The following MYO1A variants were observed in gnomAD, a reference collection of about 807,000 sequenced individuals.
MYO1A encodes unconventional myosin-Ia.
A neutral mutation model predicts 138.5 loss-of-function variants in MYO1A; 127 were observed. That is an observed-to-expected ratio of 0.92 (90% CI 0.79 to 1.06). The LOEUF (loss-of-function observed/expected upper bound fraction) is 1.06. Among genes scored for constraint, MYO1A ranks in the 50% least tolerant of loss-of-function variants. The pLI, the probability that MYO1A is intolerant of heterozygous loss-of-function variation, is 0.00. For synonymous variants in MYO1A, 477 were observed against 497.5 expected (o/e 0.96, Z 0.55); for missense variants, 1,211 against 1,288.8 (o/e 0.94, Z 0.92).
chr12:57,043,012 T>G, intron 12 of MYO1A, 60 bp downstream of exon 12: 1 of 1,553,060 alleles, frequency 6.4e-7, no homozygotes, highest in Non-Finnish European at 8.9e-7. Context: ...ATAGGGCTGG[T>G]GACAGGGCAG....
At chr12:57,029,031 C>A in intron 27 of MYO1A, 101 bp downstream of exon 27, 1 of 1,608,900 alleles carries the variant, frequency 6.2e-7, no homozygotes, top group Non-Finnish European at 8.5e-7. Context: ...AAGCCCCGGC[C>A]TGCACTGCCC....
intron 22 of MYO1A, among the ~76,000 whole-genome samples, chr12:57,035,539 G>A (rs142863251): frequency 1.1e-4 from 16 of 152,278 alleles, no homozygotes; most frequent in African/African-American, 1.4e-4. Context: ...CCCAATCAGC[G>A]GAGGTCAATT....
Position 57,041,301 on chromosome 12 carries a change from G to C in MYO1A, c.1165-13C>G. Reference sequence around the variant, plus strand: ...CAAAGCTATTATCCTGAGAGAGGGAGCACAGGTTAGAGAGCTCACTCCAAG... The same window carrying C: ...CAAAGCTATTATCCTGAGAGAGGGACCACAGGTTAGAGAGCTCACTCCAAG... On this transcript the variant is annotated splice_polypyrimidine_tract_variant and intron_variant, in intron 13 of 27. Coordinates refer to ENST00000300119, the MANE Select transcript of MYO1A (RefSeq NM_005379.4). 1 of 1,610,576 alleles carries C rather than the reference G, an allele frequency of 6.2e-7. No individual in the cohort carries two copies. Among genetic ancestry groups the C allele is most frequent in the Non-Finnish European group, 8.5e-7 (1 of 1,176,770 alleles).
rs201879161 is a variant in MYO1A at position 57,038,036 on chromosome 12, A to T, written c.1794T>A (p.Gly598=). Residue 598 remains glycine, a synonymous_variant, in exon 18 of 28, where the codon GGT becomes GGA. Coordinates refer to ENST00000300119, the MANE Select transcript of MYO1A (RefSeq NM_005379.4). The part of the protein sequence containing the change: ...CIKPNEHQQR[G]QFSSDLVATQ... ...TTGCCACCAGGTCTGAAGAGAACTG[A>T]CCTCGCTGCTGATGCTCATTGGGCT... is the stretch of plus-strand genomic sequence containing the variant. The T allele has an allele frequency of 6.6e-5, 106 of 1,614,102 alleles. No individual in the cohort carries two copies. In the East Asian group the frequency reaches 9.8e-4, roughly 15 times the overall value.
intron 5 of MYO1A, 66 bp from the exon 6 acceptor site, chr12:57,047,173 T>C: frequency 6.3e-7 from 1 of 1,599,280 alleles, no homozygotes; most frequent in Non-Finnish European, 8.6e-7. Flanking sequence ...CTTCCAGTCC[T>C]CATGACAATC....
At position 57,046,941 on chromosome 12, in the gene MYO1A, C is replaced by CAG. The variant is rs140243106; in HGVS notation, c.478-17_478-16dup. On this transcript the variant is annotated splice_polypyrimidine_tract_variant and intron_variant, in intron 6 of 27. Transcript: ENST00000300119. ...ATGTATTTTCCCTTCAGAGAGAGACCAGAGAGAGAGACTTAGCTTCTTCCT... is the reference window on the plus strand; with the variant it reads ...ATGTATTTTCCCTTCAGAGAGAGACCAGAGAGAGAGAGACTTAGCTTCTTCCT... The CAG allele has an allele frequency of 3.1e-6, 5 of 1,613,674 alleles. No homozygotes were observed. The South Asian group carries it at 5.5e-5, about 18-fold the overall frequency.
rs1389706325 is a variant in MYO1A, at chr12:57,047,969, C to T, written c.230+20G>A. The T allele has an allele frequency of 3.1e-6, 5 of 1,603,808 alleles. No individual in the cohort carries two copies. The Admixed American group carries it at 6.7e-5, about 21-fold the overall frequency. ...AAGAAGCTGGGGCCCTGTCAGCCTTCCCTTGGTCCCCCTACTCACATATGG... is the reference window on the plus strand; with the variant it reads ...AAGAAGCTGGGGCCCTGTCAGCCTTTCCTTGGTCCCCCTACTCACATATGG... On this transcript the variant is annotated intron_variant, in intron 3 of 27. Coordinates refer to ENST00000300119, the MANE Select transcript of MYO1A (RefSeq NM_005379.4).
chr12:57,040,895 CT>C (rs1159127785), intron 14 of MYO1A, among the ~76,000 whole-genome samples: 4 of 152,296 alleles, frequency 2.6e-5, no homozygotes, highest in Middle Eastern at 3.4e-3. Context: ...AAGAAATGTC[CT>C]TTTTATATTT....
chr12:57,050,514 G>A (rs1205739401), upstream of MYO1A, among the ~76,000 whole-genome samples: 1 of 152,108 alleles, frequency 6.6e-6, no homozygotes, highest in Non-Finnish European at 1.5e-5. Context: ...GGCGAGACAC[G>A]TCTTTACAAA....
At chr12:57,047,233 A>G in intron 5 of MYO1A, 70 bp downstream of exon 5, 1 of 1,577,060 alleles carries the variant, frequency 6.3e-7, no homozygotes, top group South Asian at 1.1e-5. Context: ...GCACTGGGGA[A>G]GAGGGTCTAG....
chr12:57,038,181 A>T (rs1250677049), intron 17 of MYO1A, 112 bp from the exon 18 acceptor site: 1 of 1,333,348 alleles, frequency 7.5e-7, no homozygotes, highest in African/African-American at 1.4e-5. Flanking sequence ...AGTTTCAAAG[A>T]AAGTAGACAC....
Position 57,030,209 on chromosome 12 carries a change from C to T in MYO1A, c.2591+1G>A, listed in dbSNP as rs779145139. The T allele has an allele frequency of 7.4e-6, 12 of 1,613,438 alleles. No individual in the cohort carries two copies. The highest frequency in any genetic ancestry group is 1.0e-5 in the Non-Finnish European group (12 of 1,179,490). ...CTGTGCAGGGTCTGGGAGGCCCTCA[C>T]CTCTGGGGATATGAAGCCTTCTTGC... On this transcript the variant is annotated splice_donor_variant, in intron 24 of 27. Transcript: ENST00000300119. LOFTEE classifies it high-confidence loss of function.
chr12:57,036,977 G>A lies in MYO1A; in HGVS notation c.2170C>T (p.Gln724Ter). Reference protein sequence around the residue: ...RTHYQLMRKSQILISSWFRGN... With the variant: ...RTHYQLMRKS ...CGAAACCAAGAGGAGATGAGGATCTGACTCTTTCGCATCAGTTGGTAGTGG... is the reference window on the plus strand; with the variant it reads ...CGAAACCAAGAGGAGATGAGGATCTAACTCTTTCGCATCAGTTGGTAGTGG... The change falls in exon 20 of 28, where the codon CAG becomes TAG. Residue 724 changes from glutamine to a stop codon, truncating the protein, a stop_gained. Transcript: ENST00000300119. LOFTEE classifies it high-confidence loss of function. 2 of 1,614,202 alleles carry A rather than the reference G, an allele frequency of 1.2e-6. No homozygotes were observed. Among genetic ancestry groups the A allele is most frequent in the Non-Finnish European group, 1.7e-6 (2 of 1,180,034 alleles).
chr12:57,041,025 T>C (rs1316189015), intron 14 of MYO1A, among the ~76,000 whole-genome samples, 159 bp downstream of exon 14: 1 of 152,232 alleles, frequency 6.6e-6, no homozygotes, highest in Non-Finnish European at 1.5e-5. Context: ...TTAGGGCTAC[T>C]TGGTAATGCT....
Position 57,048,355 on chromosome 12 carries a change from A to G in MYO1A, c.-20-12T>C, listed in dbSNP as rs2270737. 133,242 of 1,515,186 alleles carry G rather than the reference A, an allele frequency of 0.088. 6,186 individuals carry two copies. The highest frequency in any genetic ancestry group is 0.14 in the East Asian group (6,380 of 44,342). 93.9% of individuals were successfully genotyped at this position (1,515,186 alleles called of 1,614,324 possible). A position where few individuals can be genotyped will look rare whatever the true frequency, so the allele number is the denominator to read the frequency against. On this transcript the variant is annotated splice_polypyrimidine_tract_variant and intron_variant, in intron 1 of 27. Transcript: ENST00000300119. Reference sequence around the variant, plus strand: ...AGGGGCCACTGATCCTGGGAATAAGAGGCACAGTTTGCTGATGTCCACTCA... The same window carrying G: ...AGGGGCCACTGATCCTGGGAATAAGGGGCACAGTTTGCTGATGTCCACTCA...
Position 57,028,656 on chromosome 12 carries a change from C to T in MYO1A, c.*99G>A, listed in dbSNP as rs771598796. On this transcript the variant is annotated 3_prime_UTR_variant, in exon 28 of 28. Transcript: ENST00000300119. Reference sequence around the variant, plus strand: ...AGTTTAATCCCCAAGCCATGCGCCACGATCAGAGGGGTTAGAGATCCTCCC... The same window carrying T: ...AGTTTAATCCCCAAGCCATGCGCCATGATCAGAGGGGTTAGAGATCCTCCC... The T allele has an allele frequency of 5.5e-5, 84 of 1,517,238 alleles. No individual in the cohort carries two copies. Among genetic ancestry groups the T allele is most frequent in the Non-Finnish European group, 7.1e-5 (79 of 1,112,812 alleles). The allele number at this position is 1,517,238 out of a possible 1,614,324, so 94.0% of individuals were successfully genotyped here. A position where few individuals can be genotyped will look rare whatever the true frequency, so the allele number is the denominator to read the frequency against.
chr12:57,040,507 T>G (rs2030810468), intron 14 of MYO1A, among the ~76,000 whole-genome samples: 1 of 152,268 alleles, frequency 6.6e-6, no homozygotes, highest in Non-Finnish European at 1.5e-5. Context: ...AGCATGGGAA[T>G]GTATTATGTA....
chr12:57,045,457 A>G (rs964448463), intron 8 of MYO1A, among the ~76,000 whole-genome samples: 1 of 152,180 alleles, frequency 6.6e-6, no homozygotes, highest in African/African-American at 2.4e-5. Flanking sequence ...GATACCTGGG[A>G]GACCTCATCT....
chr12:57,047,359 C>T lies in MYO1A; in HGVS notation c.374G>A (p.Gly125Glu). 1 of 1,614,182 alleles carries T rather than the reference C, an allele frequency of 6.2e-7. No homozygotes were observed. The highest frequency in any genetic ancestry group is 8.5e-7 in the Non-Finnish European group (1 of 1,180,028). The change falls in exon 5 of 28, where the codon GGA becomes GAA. Residue 125 changes from glycine (G) to glutamate (E), a missense_variant. Physicochemically the swap from Gly to Glu is moderately conservative, Grantham distance 98. Coordinates refer to ENST00000300119, the MANE Select transcript of MYO1A (RefSeq NM_005379.4). Reference sequence around the variant, plus strand: ...CTCCTTCACAGAGTTCACCTGCTCTCCTTTCCCACAGACGGCAGCCACATA... The same window carrying T: ...CTCCTTCACAGAGTTCACCTGCTCTTCTTTCCCACAGACGGCAGCCACATA... ...MSYVAAVCGKGEQVNSVKEQL... is the reference protein window; with the variant it reads ...MSYVAAVCGKEEQVNSVKEQL...
Sources: gnomAD v4.1 joint callset for allele counts (sites outside exome capture counted in the v4.1 genomes callset) on GRCh38, gnomAD v4.1.1 for gene constraint, MANE v1.5 for transcripts, NCBI Gene and HGNC (gene_info 2026-07-23, HGNC 2026-07-21) for gene names.